The following MAGI3 variants were observed in gnomAD, a reference collection of about 807,000 sequenced individuals.
MAGI3 encodes the protein membrane associated guanylate kinase, WW and PDZ domain containing 3, also known as membrane-associated guanylate kinase, WW and PDZ domain-containing protein 3.
In MAGI3, 43 loss-of-function variants were observed where a neutral mutation model predicts 121.8. The ratio of observed to expected loss-of-function variants is 0.35; its 90% CI spans 0.28 to 0.46. The LOEUF (loss-of-function observed/expected upper bound fraction) is 0.46. MAGI3 is among the 20% of genes least tolerant of loss of function. The probability of loss-of-function intolerance (pLI) is 1.00; values close to 1 mark genes in which losing one functional copy is unlikely to be tolerated. For missense variants in MAGI3, 1,547 were observed against 1,797.3 expected, an observed-to-expected ratio of 0.86 and a Z score of 2.52; for synonymous variants, 553 against 639.3, an observed-to-expected ratio of 0.86 and a Z score of 2.04.
At chr1:113,444,017 A>C (rs1654045070) in intron 1 of MAGI3, among the ~76,000 whole-genome samples, 1 of 152,212 alleles carries the variant, frequency 6.6e-6, no homozygotes, top group African/African-American at 2.4e-5. Flanking sequence ...TCTGTCTGAT[A>C]TAACTATTTT....
At chr1:113,558,838 G>C (rs1660100328) in intron 2 of MAGI3, among the ~76,000 whole-genome samples, 1 of 152,082 alleles carries the variant, frequency 6.6e-6, no homozygotes, top group African/African-American at 2.4e-5. Context: ...ACATACAAAG[G>C]GAAGCCACCA....
chr1:113,612,046 T>C (rs1217198), intron 6 of MAGI3, among the ~76,000 whole-genome samples: 149,969 of 151,830 alleles, frequency 0.99, 74,102 homozygotes, highest in East Asian at 1. Context: ...TGGGTTCAAG[T>C]GATTCTCCTG....
chr1:113,403,509 C>G (rs1208360540), intron 1 of MAGI3: 2 of 152,172 alleles, frequency 1.3e-5, no homozygotes, highest in African/African-American at 4.8e-5. Context: ...TTAATAGTGG[C>G]TGTGTTTGAC....
At chr1:113,574,737 T>C (rs1349498301) in intron 2 of MAGI3, among the ~76,000 whole-genome samples, 1 of 152,232 alleles carries the variant, frequency 6.6e-6, no homozygotes, top group Non-Finnish European at 1.5e-5. Flanking sequence ...TGGCCTCTCT[T>C]GCTAGGTTGC....
intron 1 of MAGI3, among the ~76,000 whole-genome samples, chr1:113,400,668 C>T (rs1309485563): frequency 6.6e-6 from 1 of 152,066 alleles, no homozygotes; most frequent in Non-Finnish European, 1.5e-5. Context: ...GTCTTTATTA[C>T]CTCTGTTCAC....
At position 113,421,860 on chromosome 1, in the gene MAGI3, A is replaced by AT. The variant is rs530093400; in HGVS notation, c.316+30524dup. ...TACGCTAATGTCTGAAACCACCTTG[A>AT]TTTTTTTTTTTTTCAATCTATATGT... is the stretch of plus-strand genomic sequence containing the variant. On this transcript the variant is annotated intron_variant, in intron 1 of 20. Transcript: ENST00000307546. 6.7e-3 allele frequency among the ~76,000 whole-genome samples: 938 copies of AT among 140,676 alleles called. 4 individuals carry two copies. Among genetic ancestry groups the AT allele is most frequent in the South Asian group, 0.031 (136 of 4,390 alleles). 92.3% of individuals were successfully genotyped at this position (140,676 alleles called of 152,430 possible).
intron 1 of MAGI3, among the ~76,000 whole-genome samples, chr1:113,489,420 G>A (rs1026030068): frequency 9.2e-5 from 14 of 152,084 alleles, no homozygotes; most frequent in African/African-American, 3.4e-4. Context: ...ATTGAAGGAG[G>A]ATAAGCCCAC....
At chr1:113,651,958 T>C (rs1284713217) in intron 14 of MAGI3, among the ~76,000 whole-genome samples, 2 of 152,238 alleles carry the variant, frequency 1.3e-5, no homozygotes, top group Admixed American at 6.5e-5. Flanking sequence ...TTAACATTTA[T>C]TGAGTGCTTA....
At chr1:113,588,096 G>A (rs966818358) in intron 4 of MAGI3, among the ~76,000 whole-genome samples, 1 of 152,180 alleles carries the variant, frequency 6.6e-6, no homozygotes, top group African/African-American at 2.4e-5. Flanking sequence ...AACATACATC[G>A]TGTGTTAGAT....
chr1:113,638,206 G>A (rs1185950483), intron 9 of MAGI3, among the ~76,000 whole-genome samples: 7 of 152,006 alleles, frequency 4.6e-5, no homozygotes, highest in South Asian at 2.1e-4. Context: ...TAGTTTGATC[G>A]TCTGAAGCCT....
rs542526512 is a variant in MAGI3, at chr1:113,391,725, T to C, written c.316+376T>C. Among the ~76,000 whole-genome samples, 2 of 152,312 alleles carry C rather than the reference T, an allele frequency of 1.3e-5. No homozygotes were observed. The highest frequency in any genetic ancestry group is 4.1e-4 in the South Asian group (2 of 4,822). On this transcript the variant is annotated intron_variant, in intron 1 of 20. Coordinates refer to ENST00000307546, the MANE Select transcript of MAGI3 (RefSeq NM_001142782.2). This position sits in a 1 kb window ranked among gnomAD's most constrained non-coding sequence, Gnocchi z 4.4. ...GATTGTAACATTTTCTTTGGAACGA[T>C]CTTACGCATCTTCTAACAGGGAAAA...
chr1:113,466,738 T>C (rs575817402), intron 1 of MAGI3, among the ~76,000 whole-genome samples: 1 of 152,284 alleles, frequency 6.6e-6, no homozygotes, highest in East Asian at 1.9e-4. Context: ...ACTCATTTCT[T>C]GTAGGTTTTT....
intron 9 of MAGI3, among the ~76,000 whole-genome samples, chr1:113,634,581 T>G (rs1246115661): frequency 2.6e-5 from 4 of 152,202 alleles, no homozygotes; most frequent in Non-Finnish European, 4.4e-5. Context: ...TCTGTTCTGT[T>G]CCATTGATCT....
chr1:113,650,240 T>C (rs1044181960), intron 13 of MAGI3, among the ~76,000 whole-genome samples: 3 of 151,024 alleles, frequency 2.0e-5, no homozygotes, highest in African/African-American at 7.4e-5. Flanking sequence ...TTGCCCTATG[T>C]AGAACAAATA....
At chr1:113,429,660 G>A (rs938373165) in intron 1 of MAGI3, among the ~76,000 whole-genome samples, 4 of 152,172 alleles carry the variant, frequency 2.6e-5, no homozygotes, top group African/African-American at 9.7e-5. Flanking sequence ...AAGTTACAAA[G>A]CTGTACTCCT....
intron 1 of MAGI3, among the ~76,000 whole-genome samples, chr1:113,488,095 T>C (rs1201562663): frequency 6.6e-6 from 1 of 152,230 alleles, no homozygotes; most frequent in East Asian, 1.9e-4. Context: ...TTTCTTGCTT[T>C]TTTTTACTAC....
chr1:113,586,394 C>T (rs1231990069), intron 4 of MAGI3, among the ~76,000 whole-genome samples: 1 of 152,116 alleles, frequency 6.6e-6, no homozygotes, highest in Non-Finnish European at 1.5e-5. Context: ...ATTTCCTTAT[C>T]ATTTTCCCAA....
intron 1 of MAGI3, among the ~76,000 whole-genome samples, chr1:113,507,704 A>T (rs780298446): frequency 3.9e-4 from 59 of 152,346 alleles, no homozygotes; most frequent in South Asian, 8.3e-4. Flanking sequence ...CAGTGCCCAC[A>T]TAGCACTTGG....
In MAGI3 at chr1:113,567,005, T is replaced by G. The variant is rs1339984986; in HGVS notation, c.434-13537T>G. Among the ~76,000 whole-genome samples, 7 of 148,428 alleles carry G rather than the reference T, an allele frequency of 4.7e-5. No homozygotes were observed. The East Asian group carries it at 8.1e-4, about 17-fold the overall frequency. ...AAAAAATCAACCAAACCAGGAGTTG[T>G]TTTTTTTTAAAAAGAAAATCACTAA... On this transcript the variant is annotated intron_variant, in intron 2 of 20. Transcript: ENST00000307546.
Sources: allele counts gnomAD v4.1 joint callset (sites outside exome capture counted in the v4.1 genomes callset), GRCh38; gene constraint gnomAD v4.1.1; non-coding constraint Gnocchi (gnomAD v3.1); transcripts MANE v1.5; gene names NCBI Gene and HGNC (gene_info 2026-07-23, HGNC 2026-07-21).